FTO: variants seen among roughly 807,000 people sequenced by gnomAD.
FTO encodes the protein alpha-ketoglutarate-dependent dioxygenase FTO.
In FTO, 47 loss-of-function variants were observed where a neutral mutation model predicts 63.9. The observed-to-expected ratio is 0.74, with a 90% CI of 0.58 to 0.94. FTO has a LOEUF of 0.94. Among genes scored for constraint, FTO ranks in the 40% least tolerant of loss-of-function variants. The pLI is 0.00. For synonymous variants in FTO, 207 were observed against 224.4 expected (o/e 0.92, Z 0.69); for missense variants, 562 against 618.1 (o/e 0.91, Z 0.96).
intron 1 of FTO, among the ~76,000 whole-genome samples, chr16:53,781,473 AC>A (rs1355140360): frequency 2.6e-5 from 4 of 152,188 alleles, no homozygotes; most frequent in Non-Finnish European, 5.9e-5. Context: ...TAGCACACCC[AC>A]CACATTCAGT....
intron 4 of FTO, among the ~76,000 whole-genome samples, chr16:53,856,425 T>C (rs1383479699): frequency 6.6e-6 from 1 of 150,590 alleles, no homozygotes; most frequent in African/African-American, 2.4e-5. Context: ...TCCGTGAAGG[T>C]GATAAGAGCT....
At chr16:54,076,015 C>T (rs941943990) in intron 8 of FTO, among the ~76,000 whole-genome samples, 12 of 152,034 alleles carry the variant, frequency 7.9e-5, no homozygotes, top group Non-Finnish European at 1.3e-4. Flanking sequence ...GGTGGCTAGC[C>T]GAGTGCAGGC....
At chr16:53,881,354 C>A (rs2080829259) in intron 6 of FTO, among the ~76,000 whole-genome samples, 1 of 152,092 alleles carries the variant, frequency 6.6e-6, no homozygotes, top group Non-Finnish European at 1.5e-5. Context: ...TGCTGTAGGT[C>A]AAGACACTGT....
At chr16:53,892,454 T>C (rs1461852152) in intron 7 of FTO, among the ~76,000 whole-genome samples, 1 of 152,154 alleles carries the variant, frequency 6.6e-6, no homozygotes, top group Non-Finnish European at 1.5e-5. Context: ...AAGTACAGTG[T>C]TTGGTGCACA....
chr16:53,848,371 G>C (rs1265216260), intron 4 of FTO, among the ~76,000 whole-genome samples: 2 of 152,158 alleles, frequency 1.3e-5, no homozygotes, highest in African/African-American at 4.8e-5. Flanking sequence ...TACTCCAGGG[G>C]TGTCTGATGG....
At chr16:53,841,966 T>C (rs2079490659) in intron 3 of FTO, among the ~76,000 whole-genome samples, 1 of 152,254 alleles carries the variant, frequency 6.6e-6, no homozygotes, top group Non-Finnish European at 1.5e-5. Flanking sequence ...CTGAGGACTG[T>C]ACTAGTTTAG....
chr16:53,872,322 C>T (rs6499654), intron 4 of FTO, among the ~76,000 whole-genome samples: 146,089 of 152,328 alleles, frequency 0.96, 70,091 homozygotes, highest in East Asian at 1. Context: ...AGGGAACCTT[C>T]CTGCAGTCTG....
chr16:53,838,443 T>G (rs1046449941), intron 3 of FTO, among the ~76,000 whole-genome samples: 1 of 152,020 alleles, frequency 6.6e-6, no homozygotes, highest in Non-Finnish European at 1.5e-5. Context: ...TCTGAGTAGC[T>G]GGGATTACAG....
intron 1 of FTO, among the ~76,000 whole-genome samples, chr16:53,713,613 AG>A (rs1269409741): frequency 6.6e-6 from 1 of 152,212 alleles, no homozygotes; most frequent in African/African-American, 2.4e-5. Context: ...TTGTGTTGGT[AG>A]GGGCTTGTTT....
intron 2 of FTO, among the ~76,000 whole-genome samples, chr16:53,815,249 A>G (rs1347648477): frequency 6.6e-6 from 1 of 152,146 alleles, no homozygotes; most frequent in Non-Finnish European, 1.5e-5. Context: ...TTCTTTCTAC[A>G]AGGCTCTTCC....
At chr16:53,720,429 T>G (rs78679907) in intron 1 of FTO, among the ~76,000 whole-genome samples, 4,624 of 151,760 alleles carry the variant, frequency 0.03, 252 homozygotes, top group Admixed American at 0.15. Flanking sequence ...CTCCCCACCA[T>G]GTAGAAATTA....
chr16:53,753,625 T>C (rs1218240904), intron 1 of FTO, among the ~76,000 whole-genome samples: 3 of 152,214 alleles, frequency 2.0e-5, no homozygotes, highest in Non-Finnish European at 4.4e-5. Flanking sequence ...TCCTCTAGCC[T>C]GCCCCCACAT....
Position 54,032,799 on chromosome 16 carries a change from G to A in FTO, c.1365-78963G>A, listed in dbSNP as rs114134394. 1.9e-3 allele frequency among the ~76,000 whole-genome samples: 295 copies of A among 152,208 alleles called. 2 individuals are homozygous for A. The highest frequency in any genetic ancestry group is 6.8e-3 in the African/African-American group (283 of 41,546). On this transcript the variant is annotated intron_variant, in intron 8 of 8. Transcript: ENST00000471389. ...GGTAGGGTTTGGTGGGAGGTGTTTG[G>A]GTCCTGGGGATGGATCCCTCATGGC...
At chr16:53,840,396 G>T (rs1313259862) in intron 3 of FTO, among the ~76,000 whole-genome samples, 2 of 151,998 alleles carry the variant, frequency 1.3e-5, no homozygotes, top group African/African-American at 4.8e-5. Context: ...ACATTATTAG[G>T]TATTAGTCAC....
chr16:53,824,109 G>A (rs2078941340), intron 2 of FTO, among the ~76,000 whole-genome samples: 1 of 152,132 alleles, frequency 6.6e-6, no homozygotes, highest in South Asian at 2.1e-4. Context: ...TTATAACTAA[G>A]AGCGATTGTA....
chr16:53,753,608 T>C (rs1433895464), intron 1 of FTO, among the ~76,000 whole-genome samples: 2 of 152,216 alleles, frequency 1.3e-5, no homozygotes, highest in Non-Finnish European at 2.9e-5. Context: ...TTCCTAATTA[T>C]TGCAAATCCT....
chr16:53,801,180 T>C (rs1458844361), intron 1 of FTO, among the ~76,000 whole-genome samples: 1 of 152,104 alleles, frequency 6.6e-6, no homozygotes, highest in African/African-American at 2.4e-5. Flanking sequence ...TCTGCCTTTT[T>C]TGGATTTTTT....
chr16:53,852,820 G>A (rs973836117), intron 4 of FTO, among the ~76,000 whole-genome samples: 3 of 151,996 alleles, frequency 2.0e-5, no homozygotes, highest in Non-Finnish European at 2.9e-5. Flanking sequence ...ACTTATATTC[G>A]TCTTTTTTTT....
At chr16:53,783,604 T>TATCAAAA (rs397716766) in intron 1 of FTO, among the ~76,000 whole-genome samples, 27,390 of 66,990 alleles carry the variant, frequency 0.41, 6,398 homozygotes, top group Non-Finnish European at 0.44. Context: ...CAAGACTCCA[T>TATCAAAA]AAAAAAAAAA....
Sources: gnomAD v4.1 joint callset for allele counts (sites outside exome capture counted in the v4.1 genomes callset) on GRCh38, gnomAD v4.1.1 for gene constraint, MANE v1.5 for transcripts, NCBI Gene and HGNC (gene_info 2026-07-23, HGNC 2026-07-21) for gene names.